The following FNTB variants were observed in gnomAD, a reference collection of about 807,000 sequenced individuals.
FNTB encodes farnesyltransferase, CAAX box, subunit beta.
A neutral mutation model predicts 59.4 loss-of-function variants in FNTB; 27 were observed. The observed-to-expected ratio is 0.45, with a 90% CI of 0.34 to 0.63. The LOEUF (loss-of-function observed/expected upper bound fraction) is 0.63, where lower values mean the gene tolerates loss of function less well. Ranked by LOEUF, FNTB falls within the 20% of genes least tolerant of loss-of-function variation. The probability of loss-of-function intolerance (pLI) is 0.02; values close to 1 mark genes in which losing one functional copy is unlikely to be tolerated. For missense variants in FNTB, 449 were observed against 559.6 expected (o/e 0.80, Z 1.99); for synonymous variants, 230 against 220.7 (o/e 1.04, Z -0.37).
At chr14:65,040,062 C>T (rs918318041) in intron 7 of FNTB, among the ~76,000 whole-genome samples, 1 of 151,930 alleles carries the variant, frequency 6.6e-6, no homozygotes, top group South Asian at 2.1e-4. Context: ...TGGTGGGGCA[C>T]GCCCATAGTC....
At position 65,006,478 on chromosome 14, in the gene FNTB, G is replaced by A. The variant is rs7148590; in HGVS notation, c.209+2165G>A. Among the ~76,000 whole-genome samples, 85,636 of 152,034 alleles carry A rather than the reference G, an allele frequency of 0.56. 24,732 individuals carry two copies. The highest frequency in any genetic ancestry group is 0.69 in the African/African-American group (28,579 of 41,438). The stretch of plus-strand genomic sequence containing the variant: ...CTTGGGAGAACGAGCTCTCTTAAAT[G>A]TAATGGTATCCTTGGCAGTTCGCTG... On this transcript the variant is annotated intron_variant, in intron 2 of 11. Transcript: ENST00000246166.
intron 2 of FNTB, among the ~76,000 whole-genome samples, chr14:65,006,463 C>T (rs187862645): frequency 2.6e-5 from 4 of 152,182 alleles, no homozygotes; most frequent in Non-Finnish European, 5.9e-5. Flanking sequence ...CTTGGGAGAA[C>T]GAGCTCTCTT....
In FNTB at chr14:65,023,716, T is replaced by G. The variant is rs1193129269; in HGVS notation, c.375-3737T>G. 6.6e-6 allele frequency among the ~76,000 whole-genome samples: 1 copy of G among 152,186 alleles called. No individual in the cohort carries two copies. The highest frequency in any genetic ancestry group is 2.4e-5 in the African/African-American group (1 of 41,442). On this transcript the variant is annotated intron_variant, in intron 4 of 11. Transcript: ENST00000246166. This position sits in a 1 kb window ranked among gnomAD's most constrained non-coding sequence, Gnocchi z 4.1. Reference sequence around the variant, plus strand: ...TAAATTGCCTCATGTGGCTAGTGGCTGCCTATTGGACAGCACAGATGTATC... The same window carrying G: ...TAAATTGCCTCATGTGGCTAGTGGCGGCCTATTGGACAGCACAGATGTATC...
At chr14:65,036,263 G>A (rs533695529) in intron 7 of FNTB, among the ~76,000 whole-genome samples, 1 of 151,936 alleles carries the variant, frequency 6.6e-6, no homozygotes, top group South Asian at 2.1e-4. Flanking sequence ...TTGAAAGAGG[G>A]TCTCACTTCG....
Position 65,029,816 on chromosome 14 carries a change from T to G in FNTB, c.605+2035T>G, listed in dbSNP as rs555706935. Among the ~76,000 whole-genome samples the G allele has an allele frequency of 6.6e-6, 1 of 152,248 alleles. No individual in the cohort carries two copies. Among genetic ancestry groups the G allele is most frequent in the African/African-American group, 2.4e-5 (1 of 41,552 alleles). On this transcript the variant is annotated intron_variant, in intron 6 of 11. Coordinates refer to ENST00000246166, the MANE Select transcript of FNTB (RefSeq NM_002028.4). The surrounding 1 kb of genome is among the most constrained non-coding windows in gnomAD (Gnocchi z 4.7). ...CTGGAGTTTAGTGATGTGATCTGAT[T>G]TGTATTTTCTTAGAAGTTTCCCAAT...
chr14:65,011,828 A>G lies in FNTB; in HGVS notation c.210-489A>G, dbSNP rs1417504790. ...ATTTCAGGGAGAGAATAATAGTTGGATAACCGAGAGGCAGGCAGGGAGTAA... is the reference window on the plus strand; with the variant it reads ...ATTTCAGGGAGAGAATAATAGTTGGGTAACCGAGAGGCAGGCAGGGAGTAA... On this transcript the variant is annotated intron_variant, in intron 2 of 11. Transcript: ENST00000246166. This position sits in a 1 kb window ranked among gnomAD's most constrained non-coding sequence, Gnocchi z 4.0. Among the ~76,000 whole-genome samples the G allele has an allele frequency of 6.6e-6, 1 of 152,242 alleles. No individual in the cohort carries two copies. The highest frequency in any genetic ancestry group is 1.5e-5 in the Non-Finnish European group (1 of 68,048).
At position 65,061,508 on chromosome 14, in the gene FNTB, T is replaced by C. The variant is rs1379457910; in HGVS notation, c.*196T>C. 5.0e-6 allele frequency: 5 copies of C among 999,230 alleles called. No individual in the cohort carries two copies. Among genetic ancestry groups the C allele is most frequent in the Non-Finnish European group, 5.6e-6 (4 of 718,466 alleles). 61.9% of individuals were successfully genotyped at this position (999,230 alleles called of 1,614,324 possible). ...ACAGTGGCTGGTTTTAAAAATTCTT[T>C]CCACACCTGTCAAACCAAAAATCTA... is the stretch of plus-strand genomic sequence containing the variant. On this transcript the variant is annotated 3_prime_UTR_variant, in exon 12 of 12. Coordinates refer to ENST00000246166, the MANE Select transcript of FNTB (RefSeq NM_002028.4).
At chr14:65,002,722 A>G (rs1429963839) in intron 1 of FNTB, among the ~76,000 whole-genome samples, 1 of 152,154 alleles carries the variant, frequency 6.6e-6, no homozygotes, top group African/African-American at 2.4e-5. Context: ...TCCCTCCTTG[A>G]GGAATTTGGG....
Position 64,986,984 on chromosome 14 carries a change from T to G in FNTB, c.31T>G (p.Cys11Gly), listed in dbSNP as rs1887967783. ...TTCTCCGAGTTCTTTCACCTACTAT[T>G]GCCCTCCATCTTCCTCCCCCGTCTG... MASPSSFTYY[C>G]PPSSSPVWSE... The change falls in exon 1 of 12, where the codon TGC becomes GGC. Residue 11 changes from cysteine to glycine, a missense_variant. Transcript: ENST00000246166. 2.5e-6 allele frequency: 4 copies of G among 1,614,228 alleles called. No individual in the cohort carries two copies.
chr14:65,035,413 C>T (rs2062165870), intron 7 of FNTB, among the ~76,000 whole-genome samples: 2 of 152,144 alleles, frequency 1.3e-5, no homozygotes, highest in Non-Finnish European at 2.9e-5. Flanking sequence ...CTGTCATTTG[C>T]AGGGGGGTTG....
intron 7 of FNTB, among the ~76,000 whole-genome samples, chr14:65,037,400 G>T (rs2062217780): frequency 2.0e-5 from 1 of 51,020 alleles, no homozygotes; most frequent in African/African-American, 7.9e-5. Flanking sequence ...ACCACGCCGG[G>T]CCCTTTTTTT....
chr14:65,031,466 C>T lies in FNTB; in HGVS notation c.606-1144C>T, dbSNP rs1262886406. Among the ~76,000 whole-genome samples the T allele has an allele frequency of 1.3e-5, 2 of 151,102 alleles. No individual in the cohort carries two copies. Among genetic ancestry groups the T allele is most frequent in the African/African-American group, 4.8e-5 (2 of 41,268 alleles). Reference sequence around the variant, plus strand: ...CCAAGTAGTTGGGACTACGGGCACACGCCACCATGCCCAGCTAATTTTTGT... The same window carrying T: ...CCAAGTAGTTGGGACTACGGGCACATGCCACCATGCCCAGCTAATTTTTGT... On this transcript the variant is annotated intron_variant, in intron 6 of 11. Coordinates refer to ENST00000246166, the MANE Select transcript of FNTB (RefSeq NM_002028.4). The surrounding 1 kb of genome is among the most constrained non-coding windows in gnomAD (Gnocchi z 4.6).
chr14:65,054,799 C>T lies in FNTB; in HGVS notation c.1182+110C>T, dbSNP rs2062694107. On this transcript the variant is annotated intron_variant, in intron 11 of 11. Coordinates refer to ENST00000246166, the MANE Select transcript of FNTB (RefSeq NM_002028.4). The surrounding 1 kb of genome is among the most constrained non-coding windows in gnomAD (Gnocchi z 4.4). ...CATTTCCTGTGTGGACAGGCGGAAG[C>T]TTGTGGTCCCTCTGCCCTTCGAGCT... 1.8e-5 allele frequency: 22 copies of T among 1,205,134 alleles called. No individual in the cohort carries two copies. The South Asian group carries it at 3.1e-4, about 17-fold the overall frequency. The allele number at this position is 1,205,134 out of a possible 1,614,324, so 74.7% of individuals were successfully genotyped here.
In FNTB at chr14:65,011,255, C is replaced by A. The variant is rs2061678403; in HGVS notation, c.210-1062C>A. 6.6e-6 allele frequency among the ~76,000 whole-genome samples: 1 copy of A among 152,016 alleles called. No homozygotes were observed. Among genetic ancestry groups the A allele is most frequent in the South Asian group, 2.1e-4 (1 of 4,820 alleles). On this transcript the variant is annotated intron_variant, in intron 2 of 11. Coordinates refer to ENST00000246166, the MANE Select transcript of FNTB (RefSeq NM_002028.4). The surrounding 1 kb of genome is among the most constrained non-coding windows in gnomAD (Gnocchi z 4.0). ...CCAGCCTGGGCAACATGGTGAAACC[C>A]CCGTCTCCACTAAAAATACAAAAAT...
intron 2 of FNTB, chr14:65,006,280 G>A: frequency 6.2e-7 from 1 of 1,609,052 alleles, no homozygotes; most frequent in Non-Finnish European, 8.5e-7. Flanking sequence ...CTTCATCTTT[G>A]TTCCCTGGGG....
At position 64,997,511 on chromosome 14, in the gene FNTB, T is replaced by G. The variant is rs1342327985; in HGVS notation, c.145-6738T>G. Among the ~76,000 whole-genome samples, 4 of 152,378 alleles carry G rather than the reference T, an allele frequency of 2.6e-5. No individual in the cohort carries two copies. Among genetic ancestry groups the G allele is most frequent in the African/African-American group, 9.6e-5 (4 of 41,588 alleles). ...CTGTCTCCAGTGTGGTGTTGCCAGC[T>G]GCATGTCAGTTAAAGTCATTCTTTA... On this transcript the variant is annotated intron_variant, in intron 1 of 11. Transcript: ENST00000246166. The surrounding 1 kb of genome is among the most constrained non-coding windows in gnomAD (Gnocchi z 4.5).
At position 65,011,980 on chromosome 14, in the gene FNTB, G is replaced by T. The variant is rs1212352983; in HGVS notation, c.210-337G>T. Among the ~76,000 whole-genome samples, 1 of 152,178 alleles carries T rather than the reference G, an allele frequency of 6.6e-6. No homozygotes were observed. Among genetic ancestry groups the T allele is most frequent in the African/African-American group, 2.4e-5 (1 of 41,454 alleles). On this transcript the variant is annotated intron_variant, in intron 2 of 11. Coordinates refer to ENST00000246166, the MANE Select transcript of FNTB (RefSeq NM_002028.4). This position sits in a 1 kb window ranked among gnomAD's most constrained non-coding sequence, Gnocchi z 4.0. ...GGAGGCACAAAGATATCTGTTCTTA[G>T]ATGCTGGAGGAAGTTTCTGGGTGGA...
At chr14:65,013,835 A>G (rs2061724566) in intron 3 of FNTB, among the ~76,000 whole-genome samples, 1 of 152,268 alleles carries the variant, frequency 6.6e-6, no homozygotes, top group South Asian at 2.1e-4. Flanking sequence ...GGCGTGAGCT[A>G]CTGCGCCCAG....
chr14:65,019,818 TAAGG>T (rs2061852609), intron 4 of FNTB, among the ~76,000 whole-genome samples: 1 of 152,194 alleles, frequency 6.6e-6, no homozygotes, highest in Non-Finnish European at 1.5e-5. Context: ...CTCTGACCCA[TAAGG>T]AAATAGATTA....
Sources: gnomAD v4.1 joint callset for allele counts (sites outside exome capture counted in the v4.1 genomes callset) on GRCh38, gnomAD v4.1.1 for gene constraint, Gnocchi (gnomAD v3.1) non-coding constraint, MANE v1.5 for transcripts, NCBI Gene and HGNC (gene_info 2026-07-23, HGNC 2026-07-21) for gene names.